The following RRM2 variants were observed in gnomAD, a reference collection of about 807,000 sequenced individuals.
RRM2 encodes ribonucleotide reductase regulatory subunit M2, also known as ribonucleoside-diphosphate reductase subunit M2.
Under a neutral mutation model 45.9 loss-of-function variants are expected in RRM2, and 6 were observed. The ratio of observed to expected loss-of-function variants is 0.13; its 90% confidence interval spans 0.07 to 0.26. The LOEUF is 0.26. Among genes scored for constraint, RRM2 ranks in the 10% least tolerant of loss-of-function variants. RRM2 has a pLI of 1.00. For missense variants in RRM2, 343 were observed against 489.5 expected, an observed-to-expected ratio of 0.70 and a Z score of 2.82; for synonymous variants, 177 against 173.0, an observed-to-expected ratio of 1.02 and a Z score of -0.18.
chr2:10,177,949 TCTCG>T (rs1663965183), intron 3 of RRM2, among the ~76,000 whole-genome samples: 1 of 144,312 alleles, frequency 6.9e-6, no homozygotes, highest in Admixed American at 7.2e-5. Context: ...TTAGACGGAG[TCTCG>T]CTCTGTCACC....
rs1476086540 is a variant in RRM2 at position 10,124,591 on chromosome 2, A to G, written c.436-126A>G. ...ATAAAATATCAAAGAATTGTGACAA[A>G]TTGGATGAAATATATATAGAAATAA... On this transcript the variant is annotated intron_variant, in intron 4 of 9. Transcript: ENST00000304567. 3.9e-6 allele frequency: 4 copies of G among 1,025,802 alleles called. No homozygotes were observed. The East Asian group carries it at 1.0e-4, about 26-fold the overall frequency. 63.5% of individuals were successfully genotyped at this position (1,025,802 alleles called of 1,614,324 possible).
chr2:10,123,288 C>G (rs1005016113), intron 2 of RRM2, 99 bp from the exon 3 acceptor site: 3 of 1,425,794 alleles, frequency 2.1e-6, no homozygotes, highest in Non-Finnish European at 2.8e-6. Context: ...CACATCGGGC[C>G]CCGTGAAATT....
At chr2:10,202,712 G>A (rs113835037) in intron 3 of RRM2, among the ~76,000 whole-genome samples, 2,899 of 152,330 alleles carry the variant, frequency 0.019, 25 homozygotes, top group Middle Eastern at 0.054. Flanking sequence ...TTATGATCAT[G>A]CTGACATTAG....
Position 10,185,220 on chromosome 2 carries a change from T to C in RRM2, n.483-25091T>C, listed in dbSNP as rs1245592559. On this transcript the variant is annotated intron_variant and non_coding_transcript_variant, in intron 3 of 3. Coordinates refer to the RRM2 transcript ENST00000381786. The surrounding 1 kb of genome is among the most constrained non-coding windows in gnomAD (Gnocchi z 4.3). ...TCAGTATGCAGCTGTTAATTTTGGC[T>C]GCTGACTCCAGGACAAGAGACAGAG... is the stretch of plus-strand genomic sequence containing the variant. Among the ~76,000 whole-genome samples the C allele has an allele frequency of 6.6e-6, 1 of 152,110 alleles. No homozygotes were observed.
chr2:10,173,316 G>A (rs758878643), intron 3 of RRM2, among the ~76,000 whole-genome samples: 1 of 152,110 alleles, frequency 6.6e-6, no homozygotes, highest in Non-Finnish European at 1.5e-5. Context: ...TGGTTCCCCT[G>A]TCCTTAGTCC....
At chr2:10,189,336 C>T (rs1664235749) in intron 3 of RRM2, among the ~76,000 whole-genome samples, 1 of 152,152 alleles carries the variant, frequency 6.6e-6, no homozygotes, top group Non-Finnish European at 1.5e-5. Context: ...GAATGTGAGG[C>T]GCTGCCCCGG....
At chr2:10,124,640 C>A (rs948357386) in intron 4 of RRM2, 77 bp from the exon 5 acceptor site, 14 of 1,496,216 alleles carry the variant, frequency 9.4e-6, no homozygotes, top group African/African-American at 1.4e-5. Flanking sequence ...ACAAAGAGTG[C>A]GATGCTGCCA....
At chr2:10,180,366 G>A (rs755764646) in intron 3 of RRM2, among the ~76,000 whole-genome samples, 1 of 152,194 alleles carries the variant, frequency 6.6e-6, no homozygotes, top group African/African-American at 2.4e-5. Context: ...CATGGCCATT[G>A]TATTTCCGTC....
At chr2:10,151,420 C>T (rs532974422) in intron 3 of RRM2, among the ~76,000 whole-genome samples, 1 of 151,994 alleles carries the variant, frequency 6.6e-6, no homozygotes, top group East Asian at 1.9e-4. Flanking sequence ...GCTTCAGCCT[C>T]CCAAGTAGCT....
At chr2:10,141,854 G>A in exon 2 of RRM2, 1 of 1,557,080 alleles carries the variant, frequency 6.4e-7, no homozygotes, top group African/African-American at 1.4e-5. Context: ...ACTGCTGCAG[G>A]TGCTGGGAGA....
exon 2 of RRM2, chr2:10,141,922 G>A (rs1423055573): frequency 6.3e-7 from 1 of 1,578,406 alleles, no homozygotes; most frequent in African/African-American, 1.3e-5. Flanking sequence ...CGCCAGTGAG[G>A]GAGATGGAGA....
intron 3 of RRM2, among the ~76,000 whole-genome samples, chr2:10,209,450 CTA>C (rs1664720041): frequency 6.6e-6 from 1 of 152,174 alleles, no homozygotes; most frequent in Non-Finnish European, 1.5e-5. Context: ...GGAGTAGACA[CTA>C]TTGTTTTGTC....
intron 3 of RRM2, chr2:10,155,125 C>G: frequency 3.2e-6 from 1 of 312,454 alleles, no homozygotes; most frequent in Non-Finnish European, 6.1e-6. Context: ...GAGCAGTGAA[C>G]AGACCACAAG....
rs1572537546 is a variant in RRM2, at chr2:10,204,010, T to C, written n.483-6301T>C. On this transcript the variant is annotated intron_variant and non_coding_transcript_variant, in intron 3 of 3. Transcript: ENST00000381786. This position sits in a 1 kb window ranked among gnomAD's most constrained non-coding sequence, Gnocchi z 4.0. ...GATCCCCAGAGCTGCTTGGTCCCTG[T>C]TCTAGGTGAGGCCATTCAGCAGTCC... Among the ~76,000 whole-genome samples, 1 of 152,038 alleles carries C rather than the reference T, an allele frequency of 6.6e-6. No homozygotes were observed. The highest frequency in any genetic ancestry group is 2.4e-5 in the African/African-American group (1 of 41,384).
At chr2:10,173,774 C>T (rs543166055) in intron 3 of RRM2, among the ~76,000 whole-genome samples, 2 of 152,238 alleles carry the variant, frequency 1.3e-5, no homozygotes, top group Non-Finnish European at 2.9e-5. Context: ...TTGGAGAGAA[C>T]GAGGGCCTGC....
chr2:10,152,147 A>G (rs1233271845), intron 3 of RRM2, among the ~76,000 whole-genome samples: 5 of 151,768 alleles, frequency 3.3e-5, no homozygotes, highest in Non-Finnish European at 7.4e-5. Context: ...ACAAGCTTTC[A>G]CCATGTTAGC....
At chr2:10,178,428 G>A (rs1471178600) in intron 3 of RRM2, among the ~76,000 whole-genome samples, 3 of 151,468 alleles carry the variant, frequency 2.0e-5, no homozygotes, top group Admixed American at 1.3e-4. Context: ...TCACCATGTC[G>A]ACCAGACTGG....
downstream of RRM2, among the ~76,000 whole-genome samples, chr2:10,131,736 G>GA (rs796068690): frequency 1.1e-3 from 163 of 150,864 alleles, 1 homozygote; most frequent in South Asian, 2.3e-3. Flanking sequence ...GAGACTGTCT[G>GA]AAAAAAAAAG....
chr2:10,123,792 T>C lies in RRM2; in HGVS notation c.375T>C (p.Tyr125=), dbSNP rs150059735. The C allele has an allele frequency of 1.9e-6, 3 of 1,613,316 alleles. No homozygotes were observed. Among genetic ancestry groups the C allele is most frequent in the Non-Finnish European group, 2.5e-6 (3 of 1,179,204 alleles). The stretch of plus-strand genomic sequence containing the variant: ...AATCCCTGAAACCCGAGGAGAGATA[T>C]TTTATATCCCATGTTCTGGCTTTCT... ...HWESLKPEER[Y]FISHVLAFFA... is the part of the protein sequence containing the mutation. Residue 125 remains tyrosine, a synonymous_variant, in exon 4 of 10, where the codon TAT becomes TAC. Coordinates refer to ENST00000304567, the MANE Select transcript of RRM2 (RefSeq NM_001034.4).
Sources: allele counts gnomAD v4.1 joint callset (sites outside exome capture counted in the v4.1 genomes callset), GRCh38; gene constraint gnomAD v4.1.1; non-coding constraint Gnocchi (gnomAD v3.1); transcripts MANE v1.5; gene names NCBI Gene and HGNC (gene_info 2026-07-23, HGNC 2026-07-21).